Variants in C3orf20 observed in about 807,000 individuals in gnomAD.
The protein encoded by C3orf20 is uncharacterized protein C3orf20.
A neutral mutation model predicts 88.3 loss-of-function variants in C3orf20; 76 were observed. That is an observed-to-expected ratio of 0.86 (90% CI 0.72 to 1.04). The LOEUF (loss-of-function observed/expected upper bound fraction) is 1.04, where lower values mean the gene tolerates loss of function less well. C3orf20 is among the 50% of genes least tolerant of loss of function. The pLI is 0.00. For synonymous variants in C3orf20, 436 were observed against 437.4 expected (o/e 1.00, Z 0.04); for missense variants, 1,056 against 1,123.3 (o/e 0.94, Z 0.86).
At chr3:14,678,784 A>G (rs1453132397) in intron 1 of C3orf20, among the ~76,000 whole-genome samples, 4 of 152,218 alleles carry the variant, frequency 2.6e-5, no homozygotes, top group Non-Finnish European at 5.9e-5. Flanking sequence ...ATTATAAAAG[A>G]GAAGACATGG....
At chr3:14,710,536 A>T (rs1416505089) in intron 7 of C3orf20, among the ~76,000 whole-genome samples, 1 of 151,924 alleles carries the variant, frequency 6.6e-6, no homozygotes, top group Non-Finnish European at 1.5e-5. Context: ...AAGTTTTGAC[A>T]TGTTGTGTTT....
chr3:14,715,456 C>A, intron 9 of C3orf20, 47 bp downstream of exon 9: 1 of 1,581,008 alleles, frequency 6.3e-7, no homozygotes, highest in Non-Finnish European at 8.6e-7. Flanking sequence ...ACCACTGTCA[C>A]AGGGAGGGTC....
At chr3:14,679,900 A>G (rs1015102822) in intron 1 of C3orf20, among the ~76,000 whole-genome samples, 1 of 152,260 alleles carries the variant, frequency 6.6e-6, no homozygotes, top group Non-Finnish European at 1.5e-5. Flanking sequence ...AAAATGGCCA[A>G]TAAGCATATG....
chr3:14,735,247 C>T lies in C3orf20; in HGVS notation c.1940+6559C>T, dbSNP rs1449200179. On this transcript the variant is annotated intron_variant, in intron 12 of 16. Coordinates refer to ENST00000253697, the MANE Select transcript of C3orf20 (RefSeq NM_032137.5). Reference sequence around the variant, plus strand: ...TAATATAATTACTTAAATATTTGTACCACCTTACTGTTTGTTTGCTGTTTG... The same window carrying T: ...TAATATAATTACTTAAATATTTGTATCACCTTACTGTTTGTTTGCTGTTTG... 3.3e-5 allele frequency among the ~76,000 whole-genome samples: 5 copies of T among 151,558 alleles called. No homozygotes were observed. The East Asian group carries it at 9.6e-4, about 29-fold the overall frequency.
chr3:14,740,468 A>C (rs535581004), intron 12 of C3orf20, among the ~76,000 whole-genome samples: 2 of 152,356 alleles, frequency 1.3e-5, no homozygotes, highest in East Asian at 3.9e-4. Flanking sequence ...AAGAGATATA[A>C]TAATAATAAA....
At chr3:14,711,966 T>C (rs942995067) in intron 7 of C3orf20, among the ~76,000 whole-genome samples, 66 of 152,260 alleles carry the variant, frequency 4.3e-4, no homozygotes, top group African/African-American at 1.5e-3. Context: ...ATTTTTAAGT[T>C]ATTTCCCTAG....
At position 14,728,656 on chromosome 3, in the gene C3orf20, C is replaced by T. The variant is rs191664988; in HGVS notation, c.1908C>T (p.Thr636=). The change falls in exon 12 of 17, where the codon ACC becomes ACT. Residue 636 remains threonine (T), a synonymous_variant. Coordinates refer to ENST00000253697, the MANE Select transcript of C3orf20 (RefSeq NM_032137.5). The part of the protein sequence containing the change: ...SAPVSPVRKT[T]KIHTKAKVTS... ...CTGTGAGCCCAGTTCGGAAGACCAC[C>T]AAAATCCACACCAAAGCCAAGGTCA... is the stretch of plus-strand genomic sequence containing the variant. 6.2e-7 allele frequency: 1 copy of T among 1,613,950 alleles called. No homozygotes were observed. The highest frequency in any genetic ancestry group is 2.2e-5 in the East Asian group (1 of 44,876).
intron 7 of C3orf20, among the ~76,000 whole-genome samples, chr3:14,706,304 G>A (rs1461517815): frequency 6.6e-6 from 1 of 151,886 alleles, no homozygotes; most frequent in Non-Finnish European, 1.5e-5. Flanking sequence ...TGACTCCTTC[G>A]AGAGCCGCTG....
At position 14,700,566 on chromosome 3, in the gene C3orf20, T is replaced by C. The variant is rs574625028; in HGVS notation, c.746-2564T>C. Among the ~76,000 whole-genome samples the C allele has an allele frequency of 1.8e-4, 27 of 152,348 alleles. No homozygotes were observed. The South Asian group carries it at 5.6e-3, about 32-fold the overall frequency. ...TTGCTACATGTCTATTGGCCTCTTG[T>C]CTATGTGGCTGCTTTCCTTTGCCAC... On this transcript the variant is annotated intron_variant, in intron 5 of 16. Coordinates refer to ENST00000253697, the MANE Select transcript of C3orf20 (RefSeq NM_032137.5).
Position 14,714,011 on chromosome 3 carries a change from C to T in C3orf20, c.1165C>T (p.Pro389Ser), listed in dbSNP as rs758059763. The T allele has an allele frequency of 4.3e-6, 7 of 1,613,936 alleles. No individual in the cohort carries two copies. The highest frequency in any genetic ancestry group is 1.3e-5 in the African/African-American group (1 of 74,906). ...CTACCTGAACATTTCTGCCAGCTAT[C>T]CCTCTGGAAACGTCGCTGTATGTCA... ...FYDGSSFVYY[P>S]SGNVAVCQIP... Residue 389 changes from proline (P) to serine (S), a missense_variant, in exon 8 of 17, where the codon CCC becomes TCC. Coordinates refer to ENST00000253697, the MANE Select transcript of C3orf20 (RefSeq NM_032137.5).
chr3:14,763,612 T>C (rs1411538954), intron 15 of C3orf20, among the ~76,000 whole-genome samples: 1 of 152,182 alleles, frequency 6.6e-6, no homozygotes. Context: ...CATATTTTAT[T>C]TGGCTCTAGA....
chr3:14,733,791 C>T (rs768357109), intron 12 of C3orf20, among the ~76,000 whole-genome samples: 1 of 151,760 alleles, frequency 6.6e-6, no homozygotes, highest in East Asian at 1.9e-4. Context: ...TGGGTTCAAG[C>T]GATTCTCCTG....
chr3:14,745,341 A>G (rs1272802952), intron 12 of C3orf20, among the ~76,000 whole-genome samples: 2 of 152,220 alleles, frequency 1.3e-5, no homozygotes, highest in African/African-American at 4.8e-5. Flanking sequence ...TGGTGCCCCT[A>G]CTGGCAAAAC....
At chr3:14,734,149 C>T (rs2034628851) in intron 12 of C3orf20, among the ~76,000 whole-genome samples, 1 of 152,040 alleles carries the variant, frequency 6.6e-6, no homozygotes. Context: ...TTCCAAAGAA[C>T]CAAATTTTAA....
At chr3:14,725,374 GGAAA>G (rs1158879090) in intron 10 of C3orf20, among the ~76,000 whole-genome samples, 1 of 152,118 alleles carries the variant, frequency 6.6e-6, no homozygotes, top group Non-Finnish European at 1.5e-5. Context: ...CCATTGCCCT[GGAAA>G]GAGCCACCCA....
rs142245911 is a variant in C3orf20 at position 14,755,548 on chromosome 3, C to T, written c.1941-1823C>T. Among the ~76,000 whole-genome samples the T allele has an allele frequency of 9.5e-3, 1,444 of 152,278 alleles. 24 individuals carry two copies. The highest frequency in any genetic ancestry group is 0.032 in the African/African-American group (1,350 of 41,540). ...TGCAGGTTCTTGAGTAAGAGATATT[C>T]TTAACAAGTTTGTTCAGCAAGTACT... On this transcript the variant is annotated intron_variant, in intron 12 of 16. Coordinates refer to ENST00000253697, the MANE Select transcript of C3orf20 (RefSeq NM_032137.5).
At chr3:14,679,409 A>G (rs1489035353) in intron 1 of C3orf20, among the ~76,000 whole-genome samples, 3 of 152,236 alleles carry the variant, frequency 2.0e-5, no homozygotes, top group East Asian at 1.9e-4. Flanking sequence ...AGAGAGCTAA[A>G]TAAAGTGGCT....
At chr3:14,681,362 GGT>G (rs2032079115) in intron 1 of C3orf20, among the ~76,000 whole-genome samples, 1 of 152,232 alleles carries the variant, frequency 6.6e-6, no homozygotes, top group Non-Finnish European at 1.5e-5. Context: ...AGAAGACGTA[GGT>G]GTGTTGGCTG....
intron 13 of C3orf20, among the ~76,000 whole-genome samples, 176 bp downstream of exon 13, chr3:14,757,850 TC>T (rs2035428474): frequency 6.6e-6 from 1 of 152,136 alleles, no homozygotes; most frequent in Non-Finnish European, 1.5e-5. Context: ...GTGTCCTCCC[TC>T]CCCCTGCTTC....
Sources: allele counts gnomAD v4.1 joint callset (sites outside exome capture counted in the v4.1 genomes callset), GRCh38; gene constraint gnomAD v4.1.1; transcripts MANE v1.5; gene names NCBI Gene and HGNC (gene_info 2026-07-23, HGNC 2026-07-21).